DHRS3: variants seen among roughly 807,000 people sequenced by gnomAD.
DHRS3 encodes dehydrogenase/reductase 3, also known as short-chain dehydrogenase/reductase 3.
In DHRS3, 14 loss-of-function variants were observed where a neutral mutation model predicts 27.2. That is an observed-to-expected ratio of 0.52 (90% CI 0.34 to 0.81). The LOEUF is 0.81. Among genes scored for constraint, DHRS3 ranks in the 30% least tolerant of loss-of-function variants. The pLI, the probability that DHRS3 is intolerant of heterozygous loss-of-function variation, is 0.01. For synonymous variants in DHRS3, 165 were observed against 175.9 expected (o/e 0.94, Z 0.49); for missense variants, 322 against 406.2 (o/e 0.79, Z 1.78).
At chr1:12,569,225 T>TCACACACA (rs1557509277) in intron 5 of DHRS3, among the ~76,000 whole-genome samples, 10 of 118,026 alleles carry the variant, frequency 8.5e-5, no homozygotes, top group South Asian at 5.6e-4. Flanking sequence ...CCCCTCTCTC[T>TCACACACA]CTCTCTCACA....
Position 12,608,617 on chromosome 1 carries a change from TCA to T in DHRS3, c.195+8535_195+8536del, listed in dbSNP as rs765463376. On this transcript the variant is annotated intron_variant, in intron 1 of 5. Transcript: ENST00000616661. The surrounding 1 kb of genome is among the most constrained non-coding windows in gnomAD (Gnocchi z 4.1). ...CCCTCACTGACTTCATGACAATGACTCACAGAATCAAAGGGTAGAAGGGACCT... is the reference window on the plus strand; with the variant it reads ...CCCTCACTGACTTCATGACAATGACTCAGAATCAAAGGGTAGAAGGGACCT... 3.3e-5 allele frequency among the ~76,000 whole-genome samples: 5 copies of T among 152,132 alleles called. No individual in the cohort carries two copies. The highest frequency in any genetic ancestry group is 6.5e-5 in the Admixed American group (1 of 15,270).
chr1:12,583,028 AC>A (rs1282664211), intron 1 of DHRS3, among the ~76,000 whole-genome samples: 1 of 140,784 alleles, frequency 7.1e-6, no homozygotes, highest in African/African-American at 2.7e-5. Context: ...GTACCCACTC[AC>A]CTACCCAACT....
At chr1:12,610,026 C>A (rs1231433134) in intron 1 of DHRS3, among the ~76,000 whole-genome samples, 1 of 152,156 alleles carries the variant, frequency 6.6e-6, no homozygotes, top group Non-Finnish European at 1.5e-5. Context: ...ATCCTTCTTG[C>A]CTCATTGGTT....
At chr1:12,601,344 C>G (rs1390020444) in intron 1 of DHRS3, among the ~76,000 whole-genome samples, 1 of 152,050 alleles carries the variant, frequency 6.6e-6, no homozygotes, top group East Asian at 1.9e-4. Flanking sequence ...AATTCCTGGA[C>G]CCTTCCAGGA....
chr1:12,616,436 G>T, intron 1 of DHRS3: 2 of 529,568 alleles, frequency 3.8e-6, no homozygotes, highest in Non-Finnish European at 4.8e-6. Context: ...CGTGTTTGGT[G>T]GGCAGGACCC....
rs556832427 is a variant in DHRS3, at chr1:12,595,533, G to A, written c.196-14867C>T. Among the ~76,000 whole-genome samples the A allele has an allele frequency of 1.2e-3, 175 of 148,798 alleles. 1 individual carries two copies. The highest frequency in any genetic ancestry group is 4.1e-3 in the African/African-American group (167 of 40,410). Reference sequence around the variant, plus strand: ...TGGGAAGGGGCGGGAGATAGATGGGGAGGGGGCGGGGCGAGGCTGGGGTCC... The same window carrying A: ...TGGGAAGGGGCGGGAGATAGATGGGAAGGGGGCGGGGCGAGGCTGGGGTCC... On this transcript the variant is annotated intron_variant, in intron 1 of 5. Coordinates refer to ENST00000616661, the MANE Select transcript of DHRS3 (RefSeq NM_004753.7).
chr1:12,602,638 G>A (rs1646843519), intron 1 of DHRS3, among the ~76,000 whole-genome samples: 1 of 152,256 alleles, frequency 6.6e-6, no homozygotes, highest in Non-Finnish European at 1.5e-5. Context: ...CCACCTGGAA[G>A]GAGTGGTTGT....
At chr1:12,607,343 C>A (rs1307340214) in intron 1 of DHRS3, among the ~76,000 whole-genome samples, 1 of 152,176 alleles carries the variant, frequency 6.6e-6, no homozygotes, top group Non-Finnish European at 1.5e-5. Context: ...TTATAATCCC[C>A]ATAATCCCCA....
At chr1:12,611,053 G>T (rs1483315917) in intron 1 of DHRS3, among the ~76,000 whole-genome samples, 1 of 152,298 alleles carries the variant, frequency 6.6e-6, no homozygotes, top group South Asian at 2.1e-4. Flanking sequence ...AAATACAGCC[G>T]AGATCACTTT....
At chr1:12,590,138 A>T (rs1001682988) in intron 1 of DHRS3, among the ~76,000 whole-genome samples, 1 of 151,360 alleles carries the variant, frequency 6.6e-6, no homozygotes, top group Admixed American at 6.6e-5. Context: ...CTGCGGGGGG[A>T]TTTCTTAGGG....
Position 12,605,915 on chromosome 1 carries a change from C to T in DHRS3, c.195+11239G>A, listed in dbSNP as rs575186820. Among the ~76,000 whole-genome samples, 32 of 152,050 alleles carry T rather than the reference C, an allele frequency of 2.1e-4. No homozygotes were observed. In the South Asian group the frequency reaches 6.2e-3, roughly 30 times the overall value. The stretch of plus-strand genomic sequence containing the variant: ...CAGCACTTTGGGAGGCCGAGGCAGG[C>T]GGATCACAAGGTCAAGAGACTGAGA... On this transcript the variant is annotated intron_variant, in intron 1 of 5. Transcript: ENST00000616661.
chr1:12,614,861 C>T (rs1646934198), intron 1 of DHRS3, among the ~76,000 whole-genome samples: 1 of 152,156 alleles, frequency 6.6e-6, no homozygotes, highest in African/African-American at 2.4e-5. Flanking sequence ...GAAGGGATGT[C>T]ATCTGTGGTT....
At position 12,578,964 on chromosome 1, in the gene DHRS3, C is replaced by T. The variant is rs371663205; in HGVS notation, c.460-8G>A. On this transcript the variant is annotated splice_polypyrimidine_tract_variant and splice_region_variant and intron_variant, in intron 3 of 5. Coordinates refer to ENST00000616661, the MANE Select transcript of DHRS3 (RefSeq NM_004753.7). This position sits in a 1 kb window ranked among gnomAD's most constrained non-coding sequence, Gnocchi z 4.5. ...CAGGAAGGCCTTGGTGGTCTGAGGG[C>T]AGATGGGGTGTCAGGGTGGAGCAGC... The T allele has an allele frequency of 6.7e-5, 107 of 1,608,176 alleles. No homozygotes were observed. Among genetic ancestry groups the T allele is most frequent in the African/African-American group, 9.3e-5 (7 of 74,900 alleles).
chr1:12,583,590 TATCCATCCATCCATCCATCC>T (rs111034356), intron 1 of DHRS3, among the ~76,000 whole-genome samples: 35 of 94,970 alleles, frequency 3.7e-4, no homozygotes, highest in African/African-American at 1.4e-3. Context: ...CTCACCTACT[TATCCATCCATCCATCCATCC>T]ATCCATCCAT....
At chr1:12,590,184 G>A (rs954362330) in intron 1 of DHRS3, among the ~76,000 whole-genome samples, 10 of 152,256 alleles carry the variant, frequency 6.6e-5, no homozygotes, top group African/African-American at 1.9e-4. Flanking sequence ...AAGGAACTCT[G>A]GGGGTTCTGG....
rs1247572499 is a variant in DHRS3, at chr1:12,600,514, T to A, written c.195+16640A>T. ...CAAGGGTGGACAGACGCCATGTGGG[T>A]GTGTCTGGCAGGACTGCCTGCCTGC... On this transcript the variant is annotated intron_variant, in intron 1 of 5. Coordinates refer to ENST00000616661, the MANE Select transcript of DHRS3 (RefSeq NM_004753.7). 2.8e-5 allele frequency: 13 copies of A among 471,612 alleles called. 1 individual carries two copies. The South Asian group carries it at 9.7e-4, about 35-fold the overall frequency. The allele number at this position is 471,612 out of a possible 1,614,324, so 29.2% of individuals were successfully genotyped here. A position where few individuals can be genotyped will look rare whatever the true frequency, so the allele number is the denominator to read the frequency against.
In DHRS3 at chr1:12,568,415, T is replaced by A. The variant is rs1443485367; in HGVS notation, c.834A>T (p.Pro278=). The change falls in exon 6 of 6, where the codon CCA becomes CCT. Residue 278 remains proline, a synonymous_variant. Transcript: ENST00000616661. ...HALVILKSIL[P]QAALEEIHKF... is the part of the protein sequence containing the mutation. ...TGTGGATCTCCTCGAGTGCAGCCTG[T>A]GGAAGTATGCTGGAGTAGGAGGAAG... is the stretch of plus-strand genomic sequence containing the variant. 6.2e-7 allele frequency: 1 copy of A among 1,613,470 alleles called. No individual in the cohort carries two copies. The highest frequency in any genetic ancestry group is 8.5e-7 in the Non-Finnish European group (1 of 1,179,516).
chr1:12,610,721 C>T (rs963709126), intron 1 of DHRS3, among the ~76,000 whole-genome samples: 1 of 152,208 alleles, frequency 6.6e-6, no homozygotes, highest in Non-Finnish European at 1.5e-5. Flanking sequence ...ACTCACTTTT[C>T]TCATTTCCAA....
intron 1 of DHRS3, among the ~76,000 whole-genome samples, chr1:12,590,403 T>G (rs1423151931): frequency 6.6e-6 from 1 of 152,180 alleles, no homozygotes; most frequent in Non-Finnish European, 1.5e-5. Flanking sequence ...CTTCACCTCC[T>G]GGGTTCCAGC....
Sources: gnomAD v4.1 joint callset for allele counts (sites outside exome capture counted in the v4.1 genomes callset) on GRCh38, gnomAD v4.1.1 for gene constraint, Gnocchi (gnomAD v3.1) non-coding constraint, MANE v1.5 for transcripts, NCBI Gene and HGNC (gene_info 2026-07-23, HGNC 2026-07-21) for gene names.